Variants in DNAH3 observed in about 807,000 individuals in gnomAD.
DNAH3 encodes the protein axonemal beta dynein heavy chain 3.
DNAH3 carries 332 observed loss-of-function variants against 432.5 expected under a neutral mutation model. The observed-to-expected ratio is 0.77, with a 90% CI of 0.70 to 0.84. The LOEUF is 0.84. Among genes scored for constraint, DNAH3 ranks in the 40% least tolerant of loss-of-function variants. The probability of loss-of-function intolerance (pLI) is 0.00; values close to 1 mark genes in which losing one functional copy is unlikely to be tolerated. For synonymous variants in DNAH3, 1,956 were observed against 1,900.2 expected, an observed-to-expected ratio of 1.03 and a Z score of -0.76; for missense variants, 4,861 against 5,114.0, an observed-to-expected ratio of 0.95 and a Z score of 1.51.
chr16:21,125,095 C>A, intron 9 of DNAH3, 80 bp downstream of exon 10: 1 of 1,187,320 alleles, frequency 8.4e-7, no homozygotes. Context: ...CAGCTGAGGA[C>A]GTACATGACA....
intron 28 of DNAH3, among the ~76,000 whole-genome samples, chr16:21,053,475 G>C (rs2090027245): frequency 6.6e-6 from 1 of 152,174 alleles, no homozygotes; most frequent in South Asian, 2.1e-4. Context: ...ATGTGCCATT[G>C]TGTACATGTG....
intron 32 of DNAH3, among the ~76,000 whole-genome samples, chr16:21,040,220 C>A (rs1297706940): frequency 6.6e-6 from 1 of 152,046 alleles, no homozygotes; most frequent in African/African-American, 2.4e-5. Context: ...TGCTGGTACA[C>A]CTCATTCTCC....
intron 56 of DNAH3, among the ~76,000 whole-genome samples, chr16:20,949,727 T>G (rs1005698274): frequency 6.6e-6 from 1 of 152,186 alleles, no homozygotes; most frequent in African/African-American, 2.4e-5. Context: ...GCTGGAAATG[T>G]AGAGTGGGCA....
chr16:21,027,867 T>C (rs1006442831), intron 37 of DNAH3, among the ~76,000 whole-genome samples: 3 of 152,236 alleles, frequency 2.0e-5, no homozygotes, highest in African/African-American at 7.2e-5. Flanking sequence ...AGAACTTAAC[T>C]GCAAAGCCAC....
intron 29 of DNAH3, among the ~76,000 whole-genome samples, 200 bp from the exon 30 acceptor site, chr16:21,050,218 A>C (rs1482303258): frequency 6.6e-6 from 1 of 152,238 alleles, no homozygotes; most frequent in Non-Finnish European, 1.5e-5. Context: ...TATATGAGCA[A>C]TACAATATCA....
exon 52 of DNAH3, chr16:20,969,901 C>A: frequency 1.2e-6 from 2 of 1,614,166 alleles, no homozygotes; most frequent in Admixed American, 3.3e-5. Context: ...ACTTCACCAG[C>A]GAGATGTCGG....
At chr16:20,956,859 G>A (rs1167333364) in intron 54 of DNAH3, among the ~76,000 whole-genome samples, 1 of 152,024 alleles carries the variant, frequency 6.6e-6, no homozygotes, top group African/African-American at 2.4e-5. Flanking sequence ...AAGTAGCTGG[G>A]ATTACAGACA....
At chr16:21,017,637 G>A (rs769020450) in intron 41 of DNAH3, among the ~76,000 whole-genome samples, 5 of 152,082 alleles carry the variant, frequency 3.3e-5, no homozygotes, top group Non-Finnish European at 7.4e-5. Flanking sequence ...TGTTGTCAGC[G>A]CCTCCTGAGG....
chr16:21,053,453 ATG>A (rs939931700), intron 28 of DNAH3, among the ~76,000 whole-genome samples: 1 of 152,080 alleles, frequency 6.6e-6, no homozygotes, highest in East Asian at 1.9e-4. Context: ...GTGCACTTGC[ATG>A]TGTGTGTGTA....
At chr16:21,035,969 T>C (rs2089146715) in intron 35 of DNAH3, among the ~76,000 whole-genome samples, 1 of 152,212 alleles carries the variant, frequency 6.6e-6, no homozygotes, top group South Asian at 2.1e-4. Flanking sequence ...TCAGGTACTA[T>C]GTGTAGCACT....
At chr16:20,942,298 T>G (rs916642292) in intron 58 of DNAH3, among the ~76,000 whole-genome samples, 10 of 152,150 alleles carry the variant, frequency 6.6e-5, no homozygotes, top group Admixed American at 5.9e-4. Context: ...CAGGCCATTC[T>G]TCAGCATTGG....
intron 1 of DNAH3, among the ~76,000 whole-genome samples, chr16:21,151,321 GTTT>G (rs10578754): frequency 1.8e-4 from 23 of 128,378 alleles, no homozygotes; most frequent in East Asian, 2.5e-4. Context: ...GTTTTTCCCC[GTTT>G]TTTTTTTTTT....
At position 21,039,996 on chromosome 16, in the gene DNAH3, G is replaced by A. The variant is rs962086812; in HGVS notation, c.4639-53C>T. On this transcript the variant is annotated intron_variant, in intron 32 of 61. Coordinates refer to ENST00000261383, the Ensembl canonical transcript of DNAH3. The stretch of plus-strand genomic sequence containing the variant: ...GGAACACGTGCAGTGAATACTGAGG[G>A]AACGCACATTCACAGAAGCAAAGGG... 7.1e-6 allele frequency: 10 copies of A among 1,407,578 alleles called. No individual in the cohort carries two copies. The Admixed American group carries it at 1.0e-4, about 15-fold the overall frequency. 87.2% of individuals were successfully genotyped at this position (1,407,578 alleles called of 1,614,324 possible).
chr16:20,948,451 G>T, intron 57 of DNAH3, 32 bp downstream of exon 57: 1 of 1,605,054 alleles, frequency 6.2e-7, no homozygotes, highest in South Asian at 1.1e-5. Flanking sequence ...CCCTGTGGGG[G>T]AAAGAGGTAG....
chr16:20,941,625 T>A, intron 58 of DNAH3, 82 bp from the exon 59 acceptor site: 1 of 1,516,116 alleles, frequency 6.6e-7, no homozygotes, highest in Non-Finnish European at 8.9e-7. Flanking sequence ...GTACTGAGCA[T>A]CTGACTTTTC....
intron 12 of DNAH3, among the ~76,000 whole-genome samples, chr16:21,114,565 C>T (rs1334713137): frequency 1.3e-5 from 2 of 152,114 alleles, no homozygotes; most frequent in African/African-American, 4.8e-5. Context: ...CAAACAACCC[C>T]ATCAAAAAGT....
intron 4 of DNAH3, among the ~76,000 whole-genome samples, chr16:21,140,999 C>A (rs550646765): frequency 2.0e-5 from 3 of 152,226 alleles, no homozygotes; most frequent in South Asian, 4.1e-4. Flanking sequence ...ATCAGCCAGG[C>A]CTGGTGGCAT....
intron 16 of DNAH3, among the ~76,000 whole-genome samples, chr16:21,103,555 AAC>A (rs140620471): frequency 2.0e-4 from 30 of 152,040 alleles, no homozygotes; most frequent in African/African-American, 6.8e-4. Flanking sequence ...CACACTCACA[AAC>A]ACACACACAC....
At chr16:20,948,658 G>A (rs1567510197) in intron 56 of DNAH3, 21 bp from the exon 57 acceptor site, 1 of 1,613,748 alleles carries the variant, frequency 6.2e-7, no homozygotes, top group Non-Finnish European at 8.5e-7. Flanking sequence ...CCAACAGAAG[G>A]AGAGGTTGAG....
Sources: gnomAD v4.1 joint callset for allele counts (sites outside exome capture counted in the v4.1 genomes callset) on GRCh38, gnomAD v4.1.1 for gene constraint, MANE v1.5 for transcripts, NCBI Gene and HGNC (gene_info 2026-07-23, HGNC 2026-07-21) for gene names.